The following AP1G1 variants were observed in gnomAD, a reference collection of about 807,000 sequenced individuals.
The protein encoded by AP1G1 is adaptor related protein complex 1 subunit gamma 1, also known as AP-1 complex subunit gamma-1.
A neutral mutation model predicts 108.3 loss-of-function variants in AP1G1; 7 were observed. The ratio of observed to expected loss-of-function variants is 0.06; its 90% confidence interval spans 0.04 to 0.12. The LOEUF (loss-of-function observed/expected upper bound fraction) is 0.12. Ranked by LOEUF, AP1G1 falls within the 10% of genes least tolerant of loss-of-function variation. The pLI is 1.00. For synonymous variants in AP1G1, 379 were observed against 353.5 expected, an observed-to-expected ratio of 1.07 and a Z score of -0.81; for missense variants, 756 against 1,010.7, an observed-to-expected ratio of 0.75 and a Z score of 3.42.
intron 6 of AP1G1, 74 bp downstream of exon 6, chr16:71,769,546 TAAG>T (rs756691197): frequency 2.1e-5 from 29 of 1,380,152 alleles, no homozygotes; most frequent in Admixed American, 8.5e-5. Context: ...CAAAAAAAAA[TAAG>T]AAGAAAATCA....
chr16:71,807,983 T>C, intron 1 of AP1G1: 3 of 1,229,434 alleles, frequency 2.4e-6, no homozygotes, highest in Non-Finnish European at 2.1e-6. Flanking sequence ...TTTAATCTGC[T>C]TCATAAACAT....
chr16:71,783,137 G>C (rs1333355069), intron 2 of AP1G1, among the ~76,000 whole-genome samples: 1 of 152,152 alleles, frequency 6.6e-6, no homozygotes, highest in Non-Finnish European at 1.5e-5. Flanking sequence ...CCCTATGACA[G>C]TCACCCACAT....
intron 19 of AP1G1, among the ~76,000 whole-genome samples, chr16:71,744,537 G>A (rs1044770926): frequency 1.3e-5 from 2 of 150,882 alleles, no homozygotes; most frequent in East Asian, 1.9e-4. Flanking sequence ...AAGGTGATAC[G>A]GGATATATTT....
At chr16:71,741,082 CGAA>C (rs1433163215) in intron 19 of AP1G1, among the ~76,000 whole-genome samples, 2 of 151,706 alleles carry the variant, frequency 1.3e-5, no homozygotes, top group Non-Finnish European at 2.9e-5. Context: ...TATCAAGATT[CGAA>C]GAAGAAGCAT....
At chr16:71,795,559 A>G (rs1026380367) in intron 1 of AP1G1, among the ~76,000 whole-genome samples, 1 of 152,158 alleles carries the variant, frequency 6.6e-6, no homozygotes, top group African/African-American at 2.4e-5. Flanking sequence ...CTATATTTTT[A>G]TATTATGGGC....
intron 2 of AP1G1, among the ~76,000 whole-genome samples, chr16:71,785,706 C>G (rs1437841330): frequency 6.6e-6 from 1 of 151,522 alleles, no homozygotes; most frequent in African/African-American, 2.4e-5. Context: ...ACAGTGAAAT[C>G]CCGTCTCTAC....
intron 2 of AP1G1, among the ~76,000 whole-genome samples, chr16:71,780,419 T>C (rs2031969166): frequency 6.6e-6 from 1 of 151,270 alleles, no homozygotes; most frequent in African/African-American, 2.4e-5. Context: ...TTGAGCCTCC[T>C]GTTGAAGGCT....
At chr16:71,770,599 T>G (rs766240117) in intron 5 of AP1G1, among the ~76,000 whole-genome samples, 4 of 152,236 alleles carry the variant, frequency 2.6e-5, no homozygotes, top group Admixed American at 1.3e-4. Context: ...CACTTCAGCC[T>G]CCTGAGTGGC....
intron 1 of AP1G1, among the ~76,000 whole-genome samples, chr16:71,791,698 G>T (rs1401166625): frequency 2.8e-5 from 4 of 145,422 alleles, no homozygotes; most frequent in African/African-American, 7.6e-5. Context: ...AAAAAGTTGT[G>T]TGTAATGGGT....
chr16:71,745,163 C>T lies in AP1G1; in HGVS notation c.1980G>A (p.Leu660=). The change falls in exon 19 of 23, where the codon CTG becomes CTA. Residue 660 remains leucine, a synonymous_variant. Transcript: ENST00000299980. Reference sequence around the variant, plus strand: ...CCTCACCTGTAAGGTTGATGTCTCCCAGCAAATCAAGAAGTTCTCCACCAG... The same window carrying T: ...CCTCACCTGTAAGGTTGATGTCTCCTAGCAAATCAAGAAGTTCTCCACCAG... ...SSAGGELLDL[L]GDINLTGAPA... 1 of 1,614,110 alleles carries T rather than the reference C, an allele frequency of 6.2e-7. No individual in the cohort carries two copies. Among genetic ancestry groups the T allele is most frequent in the Non-Finnish European group, 8.5e-7 (1 of 1,180,018 alleles).
intron 1 of AP1G1, among the ~76,000 whole-genome samples, chr16:71,804,455 C>T (rs1239163062): frequency 4.1e-5 from 6 of 146,658 alleles, no homozygotes; most frequent in African/African-American, 1.5e-4. Context: ...GTCACCCAGG[C>T]TGGAGTGCAG....
At position 71,756,137 on chromosome 16, in the gene AP1G1, C is replaced by A. The variant is rs2030772215; in HGVS notation, c.1111G>T (p.Ala371Ser). The change falls in exon 12 of 23, where the codon GCC becomes TCC. Residue 371 changes from alanine (A) to serine (S), a missense_variant. Transcript: ENST00000299980. The stretch of plus-strand genomic sequence containing the variant: ...CGGATATTATTCCCATTTACCAGGG[C>A]AAAACTCAATTCCATTGCACGCCTT... ...IKRRAMELSF[A>S]LVNGNNIRGM... 2 of 1,612,090 alleles carry A rather than the reference C, an allele frequency of 1.2e-6. No individual in the cohort carries two copies. The highest frequency in any genetic ancestry group is 2.7e-5 in the African/African-American group (2 of 74,802).
intron 9 of AP1G1, among the ~76,000 whole-genome samples, chr16:71,762,534 T>TA (rs1344819591): frequency 6.6e-6 from 1 of 152,180 alleles, no homozygotes; most frequent in Non-Finnish European, 1.5e-5. Flanking sequence ...TGCTGAAGGT[T>TA]AAGCTGATCA....
At chr16:71,771,429 T>C (rs1479072016) in intron 4 of AP1G1, among the ~76,000 whole-genome samples, 177 bp from the exon 5 acceptor site, 1 of 152,154 alleles carries the variant, frequency 6.6e-6, no homozygotes, top group East Asian at 1.9e-4. Context: ...CCCACTCCTA[T>C]AATCCAGCAC....
chr16:71,779,926 C>G (rs1294363467), intron 2 of AP1G1, among the ~76,000 whole-genome samples: 2 of 152,054 alleles, frequency 1.3e-5, no homozygotes, highest in East Asian at 3.9e-4. Context: ...CGAGACAAGT[C>G]CAGGCAACCC....
At chr16:71,793,332 C>T (rs970397965) in intron 1 of AP1G1, among the ~76,000 whole-genome samples, 2 of 152,080 alleles carry the variant, frequency 1.3e-5, no homozygotes, top group Non-Finnish European at 1.5e-5. Flanking sequence ...CACATCAACA[C>T]ACTATAACAT....
chr16:71,808,046 C>T, intron 1 of AP1G1: 1 of 1,188,750 alleles, frequency 8.4e-7, no homozygotes, highest in Non-Finnish European at 1.1e-6. Flanking sequence ...ATCTCCTACA[C>T]CGAGTCCTAA....
At chr16:71,789,552 CA>C in intron 1 of AP1G1, 70 bp from the exon 2 acceptor site, 3 of 1,465,948 alleles carry the variant, frequency 2.0e-6, no homozygotes, top group Non-Finnish European at 2.8e-6. Flanking sequence ...CACAACTTCC[CA>C]TTTAAATTTT....
chr16:71,769,471 T>C (rs2031483719), intron 6 of AP1G1, 152 bp downstream of exon 6: 1 of 706,000 alleles, frequency 1.4e-6, no homozygotes, highest in Non-Finnish European at 2.5e-6. Flanking sequence ...TGCCTAAATC[T>C]GGCTTCCAGG....
Sources: gnomAD v4.1 joint callset for allele counts (sites outside exome capture counted in the v4.1 genomes callset) on GRCh38, gnomAD v4.1.1 for gene constraint, MANE v1.5 for transcripts, NCBI Gene and HGNC (gene_info 2026-07-23, HGNC 2026-07-21) for gene names.